The following PELI2 variants were observed in gnomAD, a reference collection of about 807,000 sequenced individuals.
PELI2 encodes E3 ubiquitin-protein ligase pellino homolog 2.
A neutral mutation model predicts 42.3 loss-of-function variants in PELI2; 23 were observed. That is an observed-to-expected ratio of 0.54 (90% CI 0.39 to 0.77). The LOEUF (loss-of-function observed/expected upper bound fraction) is 0.77, where lower values mean the gene tolerates loss of function less well. Ranked by LOEUF, PELI2 falls within the 30% of genes least tolerant of loss-of-function variation. The pLI is 0.00. For missense variants in PELI2, 463 were observed against 553.2 expected (o/e 0.84, Z 1.64); for synonymous variants, 245 against 212.2 (o/e 1.15, Z -1.34).
In PELI2 at chr14:56,219,352, G is replaced by T. The variant is rs928172829; in HGVS notation, c.207+40888G>T. On this transcript the variant is annotated intron_variant, in intron 2 of 5. Transcript: ENST00000267460. The surrounding 1 kb of genome is among the most constrained non-coding windows in gnomAD (Gnocchi z 4.1). The stretch of plus-strand genomic sequence containing the variant: ...TTCTTAAACTATTTTTAAAATGAAT[G>T]TTGACTTTCCTGAAGTTATAAACTG... Among the ~76,000 whole-genome samples, 1 of 152,182 alleles carries T rather than the reference G, an allele frequency of 6.6e-6. No homozygotes were observed.
At chr14:56,286,114 A>G (rs755359814) in intron 3 of PELI2, among the ~76,000 whole-genome samples, 12 of 152,216 alleles carry the variant, frequency 7.9e-5, no homozygotes, top group Non-Finnish European at 1.6e-4. Flanking sequence ...TCCTTTAACC[A>G]CAGAGTTTGA....
chr14:56,130,948 G>A (rs1883461247), intron 1 of PELI2, among the ~76,000 whole-genome samples: 1 of 152,134 alleles, frequency 6.6e-6, no homozygotes. Context: ...GCTAGCATTT[G>A]TATTTCGTTT....
chr14:56,154,454 G>C (rs1380427484), intron 1 of PELI2, among the ~76,000 whole-genome samples: 1 of 152,174 alleles, frequency 6.6e-6, no homozygotes, highest in Non-Finnish European at 1.5e-5. Context: ...GCTCTCACGA[G>C]ATCTGTTGGT....
intron 1 of PELI2, among the ~76,000 whole-genome samples, chr14:56,149,925 G>A (rs1884275549): frequency 1.3e-5 from 2 of 152,108 alleles, no homozygotes; most frequent in South Asian, 4.1e-4. Flanking sequence ...GTACTGTTCG[G>A]AGATTTAACA....
chr14:56,140,532 G>A (rs1883868765), intron 1 of PELI2, among the ~76,000 whole-genome samples: 1 of 152,142 alleles, frequency 6.6e-6, no homozygotes, highest in Admixed American at 6.5e-5. Context: ...TTGAAAACAA[G>A]TTTTTGAAAG....
At chr14:56,228,346 G>A (rs2880664) in intron 2 of PELI2, among the ~76,000 whole-genome samples, 60,881 of 152,060 alleles carry the variant, frequency 0.4, 12,994 homozygotes, top group South Asian at 0.53. Context: ...ATCCATAGCT[G>A]TTGGAAGGAA....
Position 56,130,433 on chromosome 14 carries a change from A to T in PELI2, c.77+11696A>T, listed in dbSNP as rs143742833. ...TGTGTGTGTTCCAAAGCAGTTTTGT[A>T]TGTTTTTATTTTGTTTTTTTTTAAC... On this transcript the variant is annotated intron_variant, in intron 1 of 5. Coordinates refer to ENST00000267460, the MANE Select transcript of PELI2 (RefSeq NM_021255.3). Among the ~76,000 whole-genome samples the T allele has an allele frequency of 7.8e-3, 1,087 of 138,592 alleles. 7 individuals carry two copies. Among genetic ancestry groups the T allele is most frequent in the Middle Eastern group, 0.053 (14 of 262 alleles). The allele number at this position is 138,592 out of a possible 152,430, so 90.9% of individuals were successfully genotyped here.
intron 1 of PELI2, among the ~76,000 whole-genome samples, chr14:56,127,259 A>G (rs1011331151): frequency 2.6e-5 from 4 of 152,174 alleles, no homozygotes; most frequent in African/African-American, 7.2e-5. Flanking sequence ...GAGCTAATGC[A>G]TGACACAGAT....
intron 2 of PELI2, among the ~76,000 whole-genome samples, chr14:56,216,806 T>TA (rs1386037904): frequency 6.6e-6 from 1 of 152,234 alleles, no homozygotes; most frequent in East Asian, 1.9e-4. Context: ...TTTCTTTACT[T>TA]ACCCCGCAGA....
intron 2 of PELI2, among the ~76,000 whole-genome samples, chr14:56,252,338 T>A (rs1888376182): frequency 6.6e-6 from 1 of 152,226 alleles, no homozygotes; most frequent in South Asian, 2.1e-4. Flanking sequence ...CACAATGTCT[T>A]ACTGGGACAC....
intron 1 of PELI2, 30 bp from the exon 2 acceptor site, chr14:56,178,305 A>G (rs376956365): frequency 5.5e-5 from 88 of 1,609,856 alleles, no homozygotes; most frequent in Admixed American, 1.0e-4. Context: ...AAATCTGCAG[A>G]TAGATGAACT....
chr14:56,240,858 C>T (rs12878875), intron 2 of PELI2, among the ~76,000 whole-genome samples: 61,279 of 152,020 alleles, frequency 0.4, 13,070 homozygotes, highest in South Asian at 0.53. Flanking sequence ...TGATTAGACC[C>T]AGTTGCCTTC....
At position 56,207,805 on chromosome 14, in the gene PELI2, T is replaced by G. The variant is rs75612068; in HGVS notation, c.207+29341T>G. Among the ~76,000 whole-genome samples, 1,053 of 152,290 alleles carry G rather than the reference T, an allele frequency of 6.9e-3. 16 individuals carry two copies. The highest frequency in any genetic ancestry group is 0.024 in the African/African-American group (983 of 41,554). On this transcript the variant is annotated intron_variant, in intron 2 of 5. Transcript: ENST00000267460. ...TAAAGAGTGCCTGCATCCACAGGGT[T>G]CACCAGCAGAGAGCAGGAACTCTGA...
intron 2 of PELI2, among the ~76,000 whole-genome samples, chr14:56,221,287 C>T (rs1224869747): frequency 1.3e-5 from 2 of 151,988 alleles, no homozygotes; most frequent in East Asian, 1.9e-4. Context: ...GTAAGGCAGC[C>T]AGTGGTCACT....
chr14:56,208,830 C>G (rs1183466053), intron 2 of PELI2, among the ~76,000 whole-genome samples: 8 of 152,088 alleles, frequency 5.3e-5, no homozygotes, highest in Non-Finnish European at 7.4e-5. Context: ...CCATTTTTAC[C>G]TAAAAGAATG....
intron 2 of PELI2, among the ~76,000 whole-genome samples, chr14:56,201,074 T>A (rs1886315639): frequency 6.6e-6 from 1 of 152,160 alleles, no homozygotes; most frequent in African/African-American, 2.4e-5. Context: ...GGAAGAGCAC[T>A]GGCCTGTGCA....
At chr14:56,168,492 A>G (rs1214011773) in intron 1 of PELI2, among the ~76,000 whole-genome samples, 1 of 152,068 alleles carries the variant, frequency 6.6e-6, no homozygotes, top group East Asian at 1.9e-4. Flanking sequence ...ACTACTGCCA[A>G]TGTTCCCTTA....
intron 2 of PELI2, among the ~76,000 whole-genome samples, chr14:56,199,816 AT>A (rs1886268047): frequency 6.6e-6 from 1 of 152,202 alleles, no homozygotes; most frequent in South Asian, 2.1e-4. Flanking sequence ...GGGCCCAGGG[AT>A]TTAATTAAGC....
At position 56,208,990 on chromosome 14, in the gene PELI2, A is replaced by G. The variant is rs140521175; in HGVS notation, c.207+30526A>G. Among the ~76,000 whole-genome samples the G allele has an allele frequency of 5.5e-4, 84 of 152,358 alleles. 1 individual carries two copies. In the East Asian group the frequency reaches 0.016, roughly 28 times the overall value. Reference sequence around the variant, plus strand: ...CTTGTATCTGCTACCAAGACTTGACAGTTCCGAATACTTAATATTTTTCTG... The same window carrying G: ...CTTGTATCTGCTACCAAGACTTGACGGTTCCGAATACTTAATATTTTTCTG... On this transcript the variant is annotated intron_variant, in intron 2 of 5. Transcript: ENST00000267460.
Sources: gnomAD v4.1 joint callset for allele counts (sites outside exome capture counted in the v4.1 genomes callset) on GRCh38, gnomAD v4.1.1 for gene constraint, Gnocchi (gnomAD v3.1) non-coding constraint, MANE v1.5 for transcripts, NCBI Gene and HGNC (gene_info 2026-07-23, HGNC 2026-07-21) for gene names.